Variants in ZNF737 observed in about 807,000 individuals in gnomAD.
The protein encoded by ZNF737 is zinc finger protein 737.
ZNF737 carries 13 observed loss-of-function variants against 11.7 expected under a neutral mutation model. The ratio of observed to expected loss-of-function variants is 1.11; its 90% CI spans 0.73 to 1.77. The LOEUF (loss-of-function observed/expected upper bound fraction) is 1.77, where lower values mean the gene tolerates loss of function less well. Ranked by LOEUF, ZNF737 falls within the 40% of genes most tolerant of loss-of-function variation. ZNF737 has a pLI of 0.00. For missense variants in ZNF737, 636 were observed against 638.0 expected, an observed-to-expected ratio of 1.00 and a Z score of 0.03; for synonymous variants, 217 against 216.2, an observed-to-expected ratio of 1.00 and a Z score of -0.03.
At position 20,544,240 on chromosome 19, in the gene ZNF737, G is replaced by A. The variant is rs138007347; in HGVS notation, c.*352C>T. Reference sequence around the variant, plus strand: ...GAAGGGTTCAGAACTTCCTAAAAGCGTTGTCACATTCTTTATATTTGTAGG... The same window carrying A: ...GAAGGGTTCAGAACTTCCTAAAAGCATTGTCACATTCTTTATATTTGTAGG... On this transcript the variant is annotated 3_prime_UTR_variant, in exon 4 of 4. Transcript: ENST00000427401. 1.6e-3 allele frequency: 1,704 copies of A among 1,057,816 alleles called. 14 individuals carry two copies. In the African/African-American group the frequency reaches 0.02, roughly 13 times the overall value. 65.5% of individuals were successfully genotyped at this position (1,057,816 alleles called of 1,614,324 possible).
In ZNF737 at chr19:20,545,424, T is replaced by C. The variant is rs782515269; in HGVS notation, c.779A>G (p.Glu260Gly). Residue 260 changes from glutamate (E) to glycine (G), a missense_variant, in exon 4 of 4, where the codon GAA (glutamate) becomes GGA (glycine). Glu to Gly is a moderately conservative substitution (Grantham distance 98). Coordinates refer to ENST00000427401, the MANE Select transcript of ZNF737 (RefSeq NM_001159293.2). The stretch of plus-strand genomic sequence containing the variant: ...GCGCTTAAAGGCCTTGCCACATTCT[T>C]CACATTTGTAGGGTTTCTCTCCACT... ...IHSGEKPYKC[E>G]ECGKAFKRSS... 240 of 1,613,564 alleles carry C rather than the reference T, an allele frequency of 1.5e-4. 2 individuals carry two copies. The highest frequency in any genetic ancestry group is 6.6e-4 in the Middle Eastern group (4 of 6,062).
In ZNF737 at chr19:20,540,022, A is replaced by G. The variant is rs1465472893; in HGVS notation, c.*4570T>C. The G allele has an allele frequency of 1.0e-6, 1 of 985,358 alleles. No homozygotes were observed. The highest frequency in any genetic ancestry group is 1.7e-5 in the African/African-American group (1 of 57,338). 61.0% of individuals were successfully genotyped at this position (985,358 alleles called of 1,614,324 possible). A position where few individuals can be genotyped will look rare whatever the true frequency, so the allele number is the denominator to read the frequency against. Reference sequence around the variant, plus strand: ...TGTTTCTCTTAAGCTATCCCAGATGAGAGGTGATTATTTCTTGAATGAATG... The same window carrying G: ...TGTTTCTCTTAAGCTATCCCAGATGGGAGGTGATTATTTCTTGAATGAATG... On this transcript the variant is annotated 3_prime_UTR_variant, in exon 4 of 4. Transcript: ENST00000427401.
downstream of ZNF737, among the ~76,000 whole-genome samples, chr19:20,536,541 T>A (rs1967973061): frequency 6.6e-6 from 1 of 152,142 alleles, no homozygotes; most frequent in Non-Finnish European, 1.5e-5. Context: ...TCAAGCATGG[T>A]GGCTCATGCC....
rs543871348 is a variant in ZNF737, at chr19:20,558,115, A to T, written c.4-4280T>A. On this transcript the variant is annotated intron_variant, in intron 1 of 3. Transcript: ENST00000427401. ...CATCTCTACTAAATATACAAAGATT[A>T]AAAAAAAGATATATATAAATTAGCT... 4.0e-4 allele frequency among the ~76,000 whole-genome samples: 61 copies of T among 151,610 alleles called. 1 individual carries two copies. Among genetic ancestry groups the T allele is most frequent in the African/African-American group, 1.2e-3 (51 of 41,368 alleles).
At chr19:20,558,642 G>A (rs1420900221) in intron 1 of ZNF737, among the ~76,000 whole-genome samples, 2 of 152,144 alleles carry the variant, frequency 1.3e-5, no homozygotes, top group Admixed American at 6.5e-5. Flanking sequence ...GACACCTCTT[G>A]TATGAGGGGA....
chr19:20,561,839 C>T (rs1555762530), intron 1 of ZNF737, among the ~76,000 whole-genome samples: 2 of 152,064 alleles, frequency 1.3e-5, no homozygotes, highest in African/African-American at 2.4e-5. Context: ...CCCATAACCT[C>T]CCTGAAGTTC....
rs1555755593 is a variant in ZNF737 at position 20,543,498 on chromosome 19, G to A, written c.*1094C>T. On this transcript the variant is annotated 3_prime_UTR_variant, in exon 4 of 4. Transcript: ENST00000427401. ...GGAAGATTTTTATGTTGAGTTAGAT[G>A]TGAGTAGGAATTAATAGGTTTTCCA... 3 of 985,012 alleles carry A rather than the reference G, an allele frequency of 3.0e-6. No individual in the cohort carries two copies. Among genetic ancestry groups the A allele is most frequent in the Non-Finnish European group, 3.6e-6 (3 of 829,632 alleles). The allele number at this position is 985,012 out of a possible 1,614,324, so 61.0% of individuals were successfully genotyped here.
At chr19:20,555,376 G>A (rs552237690) in intron 1 of ZNF737, among the ~76,000 whole-genome samples, 1 of 151,820 alleles carries the variant, frequency 6.6e-6, no homozygotes, top group Non-Finnish European at 1.5e-5. Flanking sequence ...TAGAGACGGG[G>A]TTTCACTGTG....
intron 3 of ZNF737, among the ~76,000 whole-genome samples, chr19:20,547,178 G>A (rs1968483772): frequency 6.6e-6 from 1 of 151,916 alleles, no homozygotes; most frequent in Non-Finnish European, 1.5e-5. Context: ...TCAGGAGATT[G>A]AGACCATCCT....
At chr19:20,535,266 A>G (rs1281356469), downstream of ZNF737, among the ~76,000 whole-genome samples, 1 of 152,248 alleles carries the variant, frequency 6.6e-6, no homozygotes, top group African/African-American at 2.4e-5. Flanking sequence ...TGACAGAATG[A>G]GACTCCATCT....
intron 1 of ZNF737, among the ~76,000 whole-genome samples, chr19:20,560,599 G>T (rs1260774674): frequency 6.6e-6 from 1 of 151,984 alleles, no homozygotes; most frequent in Non-Finnish European, 1.5e-5. Flanking sequence ...TGCCCAACAT[G>T]GAGAAAAGCC....
At chr19:20,565,513 AAGG>A in intron 1 of ZNF737, 122 bp downstream of exon 1, 5 of 1,527,784 alleles carry the variant, frequency 3.3e-6, no homozygotes, top group South Asian at 1.1e-5. Context: ...CGAGCTGGGC[AAGG>A]AGAACTCAGG....
intron 3 of ZNF737, among the ~76,000 whole-genome samples, chr19:20,549,063 A>G (rs1555757720): frequency 6.6e-6 from 1 of 151,448 alleles, no homozygotes; most frequent in Admixed American, 6.6e-5. Flanking sequence ...TGTTAAACAC[A>G]TGGTGATAAT....
chr19:20,547,545 A>C (rs1407586914), intron 3 of ZNF737, among the ~76,000 whole-genome samples: 1 of 152,166 alleles, frequency 6.6e-6, no homozygotes, highest in Non-Finnish European at 1.5e-5. Flanking sequence ...AATAGAAATA[A>C]TCTCTTCAAA....
chr19:20,562,418 C>T (rs1405166898), intron 1 of ZNF737, among the ~76,000 whole-genome samples: 8 of 150,950 alleles, frequency 5.3e-5, no homozygotes, highest in Non-Finnish European at 1.2e-4. Context: ...CTCGGCTCAC[C>T]ACAAACTTTC....
At chr19:20,554,938 C>T (rs1383542908) in intron 1 of ZNF737, among the ~76,000 whole-genome samples, 1 of 115,026 alleles carries the variant, frequency 8.7e-6, no homozygotes, top group Non-Finnish European at 1.9e-5. Flanking sequence ...TCTTGGCTCA[C>T]TGCAACCTCC....
Position 20,544,713 on chromosome 19 carries a change from GTAAGGA to G in ZNF737, c.1484_1489del (p.Ile495_Leu496del), listed in dbSNP as rs1968358430. On this transcript the variant is annotated inframe_deletion, in exon 4 of 4. Coordinates refer to ENST00000427401, the MANE Select transcript of ZNF737 (RefSeq NM_001159293.2). ...TCCAGTATGAATTCTCTTATGTCTA[GTAAGGA>G]TAAAGGAGCGCTTAAAAGCCTTGCC... The G allele has an allele frequency of 2.5e-6, 4 of 1,606,878 alleles. No homozygotes were observed. The highest frequency in any genetic ancestry group is 2.5e-6 in the Non-Finnish European group (3 of 1,177,520).
At chr19:20,555,059 C>T (rs575941321) in intron 1 of ZNF737, among the ~76,000 whole-genome samples, 75 of 152,186 alleles carry the variant, frequency 4.9e-4, no homozygotes, top group African/African-American at 1.8e-3. Context: ...GACAGAGTTC[C>T]ACCACGTTGG....
At chr19:20,553,635 T>TA in intron 2 of ZNF737, 74 bp downstream of exon 2, 3 of 1,428,042 alleles carry the variant, frequency 2.1e-6, no homozygotes, top group South Asian at 1.3e-5. Context: ...AATAAATTAC[T>TA]AAAAAAATTC....
Sources: gnomAD v4.1 joint callset for allele counts (sites outside exome capture counted in the v4.1 genomes callset) on GRCh38, gnomAD v4.1.1 for gene constraint, MANE v1.5 for transcripts, NCBI Gene and HGNC (gene_info 2026-07-23, HGNC 2026-07-21) for gene names.